The following SYNE2 variants were observed in gnomAD, a reference collection of about 807,000 sequenced individuals.
SYNE2 encodes spectrin repeat containing nuclear envelope protein 2.
A neutral mutation model predicts 856.3 loss-of-function variants in SYNE2; 431 were observed. That is an observed-to-expected ratio of 0.50 (90% CI 0.47 to 0.55). The LOEUF (loss-of-function observed/expected upper bound fraction) is 0.55. Ranked by LOEUF, SYNE2 falls within the 20% of genes least tolerant of loss-of-function variation. The pLI, the probability that SYNE2 is intolerant of heterozygous loss-of-function variation, is 0.00. For synonymous variants in SYNE2, 2,923 were observed against 2,872.3 expected (o/e 1.02, Z -0.56); for missense variants, 8,129 against 8,023.2 (o/e 1.01, Z -0.50).
intron 1 of SYNE2, among the ~76,000 whole-genome samples, chr14:63,888,643 A>G (rs2095054312): frequency 6.6e-6 from 1 of 152,226 alleles, no homozygotes; most frequent in Non-Finnish European, 1.5e-5. Context: ...GGAACATACA[A>G]ACTGCACATT....
chr14:63,862,424 C>G (rs193174183), intron 1 of SYNE2, among the ~76,000 whole-genome samples: 5 of 151,672 alleles, frequency 3.3e-5, no homozygotes, highest in African/African-American at 1.2e-4. Flanking sequence ...TTGTAGAGAC[C>G]GAGATCTCAC....
chr14:64,194,487 T>A (rs1003223931), intron 99 of SYNE2, among the ~76,000 whole-genome samples: 6 of 152,194 alleles, frequency 3.9e-5, no homozygotes, highest in African/African-American at 1.4e-4. Context: ...TTGTTTTTTG[T>A]AGAGATGGGG....
chr14:63,824,272 A>G (rs542088421), intron 1 of SYNE2, among the ~76,000 whole-genome samples: 3 of 151,410 alleles, frequency 2.0e-5, no homozygotes, highest in East Asian at 2.0e-4. Flanking sequence ...CTTGAGCTCC[A>G]GGGCTCAAGG....
intron 2 of SYNE2, among the ~76,000 whole-genome samples, chr14:63,934,140 C>G (rs999637759): frequency 6.6e-6 from 1 of 152,198 alleles, no homozygotes; most frequent in African/African-American, 2.4e-5. Context: ...AAGAGGCATT[C>G]TCTAAGTTCG....
intron 1 of SYNE2, chr14:63,874,149 G>T (rs920322416): frequency 6.6e-6 from 1 of 152,186 alleles, no homozygotes; most frequent in African/African-American, 2.4e-5. Flanking sequence ...CTTCCTTACA[G>T]ATTGCTTGCA....
At chr14:64,150,976 G>A (rs2098236479) in intron 84 of SYNE2, among the ~76,000 whole-genome samples, 1 of 152,126 alleles carries the variant, frequency 6.6e-6, no homozygotes, top group South Asian at 2.1e-4. Flanking sequence ...CCACATGTTA[G>A]TATGGGTGGA....
At chr14:63,862,026 C>T (rs1444965592) in intron 1 of SYNE2, among the ~76,000 whole-genome samples, 3 of 152,086 alleles carry the variant, frequency 2.0e-5, no homozygotes, top group Admixed American at 2.0e-4. Flanking sequence ...CTCACATATC[C>T]CACCCGTGCT....
chr14:63,890,688 G>A (rs1311865516), intron 1 of SYNE2, among the ~76,000 whole-genome samples: 1 of 152,146 alleles, frequency 6.6e-6, no homozygotes, highest in African/African-American at 2.4e-5. Flanking sequence ...TTTTGTGCTT[G>A]TTAATGATTT....
intron 1 of SYNE2, among the ~76,000 whole-genome samples, chr14:63,823,317 T>C (rs572474488): frequency 2.0e-5 from 3 of 152,136 alleles, no homozygotes; most frequent in Admixed American, 1.3e-4. Flanking sequence ...TAGCTGGGAC[T>C]ACAGACATGC....
rs1566585300 is a variant in SYNE2 at position 63,815,219 on chromosome 14, TATATATATCC to T, written c.-304-37273_-304-37264del. On this transcript the variant is annotated intron_variant, in intron 1 of 23. Transcript: ENST00000674003. ...ATATATATATCCATATATATATCCA[TATATATATCC>T]ATATATATATGGATATATATATATA... Among the ~76,000 whole-genome samples the T allele has an allele frequency of 9.8e-5, 11 of 112,768 alleles. 2 individuals are homozygous for T. The highest frequency in any genetic ancestry group is 3.3e-4 in the African/African-American group (11 of 32,958). 74.0% of individuals were successfully genotyped at this position (112,768 alleles called of 152,430 possible). A position where few individuals can be genotyped will look rare whatever the true frequency, so the allele number is the denominator to read the frequency against.
At chr14:64,152,417 TATG>T in intron 84 of SYNE2, 144 bp from the exon 85 acceptor site, 1 of 767,686 alleles carries the variant, frequency 1.3e-6, no homozygotes, top group South Asian at 1.8e-5. Context: ...CTAAGAGTAT[TATG>T]ATTTAAATTT....
chr14:63,847,779 T>C lies in SYNE2; in HGVS notation c.-304-4722T>C, dbSNP rs560638070. Among the ~76,000 whole-genome samples, 4 of 152,000 alleles carry C rather than the reference T, an allele frequency of 2.6e-5. No homozygotes were observed. In the East Asian group the frequency reaches 7.7e-4, roughly 29 times the overall value. ...TTTTGTATTTTTAGTAGAGATGGGG[T>C]TTCACCGTGTTGGCCAGGCTGGTCT... is the stretch of plus-strand genomic sequence containing the variant. On this transcript the variant is annotated intron_variant, in intron 1 of 23. Coordinates refer to the SYNE2 transcript ENST00000674003.
chr14:64,221,330 C>T (rs899960928), intron 111 of SYNE2, among the ~76,000 whole-genome samples: 1 of 152,192 alleles, frequency 6.6e-6, no homozygotes, highest in Non-Finnish European at 1.5e-5. Flanking sequence ...GCTGGGCATC[C>T]CAAAGCCCTA....
Position 64,062,739 on chromosome 14 carries a change from G to A in SYNE2, c.10068-12G>A, listed in dbSNP as rs1420532364. Reference sequence around the variant, plus strand: ...ATTTAATACCACTTTTTTTCTAACTGTGACTCACTAGGTATCTTGAGAATT... The same window carrying A: ...ATTTAATACCACTTTTTTTCTAACTATGACTCACTAGGTATCTTGAGAATT... On this transcript the variant is annotated splice_polypyrimidine_tract_variant and intron_variant, in intron 49 of 115. Transcript: ENST00000555002. 2.5e-6 allele frequency: 4 copies of A among 1,610,546 alleles called. No individual in the cohort carries two copies. Among genetic ancestry groups the A allele is most frequent in the Non-Finnish European group, 2.5e-6 (3 of 1,177,242 alleles).
rs534382964 is a variant in SYNE2 at position 63,863,694 on chromosome 14, A to G, written c.-52+10551A>G. 9.2e-5 allele frequency among the ~76,000 whole-genome samples: 14 copies of G among 152,348 alleles called. No individual in the cohort carries two copies. The South Asian group carries it at 2.9e-3, about 32-fold the overall frequency. ...GATGGGATTGTTGATAGAATAATGC[A>G]TATTAGAGCTTTTAGTTCAAAAATT... On this transcript the variant is annotated intron_variant, in intron 1 of 115. Coordinates refer to ENST00000555002, the MANE Select transcript of SYNE2 (RefSeq NM_182914.3).
At chr14:63,803,000 G>C (rs1476274055) in intron 1 of SYNE2, among the ~76,000 whole-genome samples, 1 of 152,182 alleles carries the variant, frequency 6.6e-6, no homozygotes. Context: ...CTTCCACAGT[G>C]TGGAAGGGCA....
At chr14:64,188,312 C>T (rs1289556305) in intron 97 of SYNE2, among the ~76,000 whole-genome samples, 1 of 152,110 alleles carries the variant, frequency 6.6e-6, no homozygotes, top group Non-Finnish European at 1.5e-5. Context: ...AAAAACAATC[C>T]TTCCAATCAG....
At chr14:63,862,668 C>T (rs901459513) in intron 1 of SYNE2, among the ~76,000 whole-genome samples, 2 of 152,016 alleles carry the variant, frequency 1.3e-5, no homozygotes, top group African/African-American at 4.8e-5. Flanking sequence ...TACACGCATG[C>T]CCTGCCAAAA....
chr14:63,792,360 C>G (rs1887766029), intron 1 of SYNE2, among the ~76,000 whole-genome samples: 1 of 152,088 alleles, frequency 6.6e-6, no homozygotes, highest in African/African-American at 2.4e-5. Context: ...GCTTGGCCAA[C>G]ATGATGAACA....
Sources: gnomAD v4.1 joint callset for allele counts (sites outside exome capture counted in the v4.1 genomes callset) on GRCh38, gnomAD v4.1.1 for gene constraint, MANE v1.5 for transcripts, NCBI Gene and HGNC (gene_info 2026-07-23, HGNC 2026-07-21) for gene names.